Variants in RFX7 observed in about 807,000 individuals in gnomAD.
The protein encoded by RFX7 is DNA-binding protein RFX7.
In RFX7, 26 loss-of-function variants were observed where a neutral mutation model predicts 111.8. The ratio of observed to expected loss-of-function variants is 0.23; its 90% CI spans 0.17 to 0.32. The LOEUF (loss-of-function observed/expected upper bound fraction) is 0.32. Ranked by LOEUF, RFX7 falls within the 10% of genes least tolerant of loss-of-function variation. The pLI is 1.00. For missense variants in RFX7, 1,573 were observed against 1,772.9 expected, an observed-to-expected ratio of 0.89 and a Z score of 2.02; for synonymous variants, 624 against 624.4, an observed-to-expected ratio of 1.00 and a Z score of 0.01.
At chr15:56,244,465 A>T (rs2043790238), upstream of RFX7, among the ~76,000 whole-genome samples, 1 of 151,996 alleles carries the variant, frequency 6.6e-6, no homozygotes, top group Admixed American at 6.5e-5. Context: ...AGCGGCCTCC[A>T]TCCCCCTGCA....
intron 5 of RFX7, among the ~76,000 whole-genome samples, chr15:56,134,751 C>T (rs1224047094): frequency 2.6e-5 from 4 of 151,946 alleles, no homozygotes; most frequent in Non-Finnish European, 5.9e-5. Context: ...GTATATCTCC[C>T]AATGCTATCC....
At chr15:56,139,103 C>G (rs2042349686) in intron 5 of RFX7, among the ~76,000 whole-genome samples, 1 of 151,950 alleles carries the variant, frequency 6.6e-6, no homozygotes, top group South Asian at 2.1e-4. Context: ...CTTGGAGTTG[C>G]TCTTCTCGAG....
intron 2 of RFX7, among the ~76,000 whole-genome samples, chr15:56,199,730 A>G (rs2141178676): frequency 6.6e-6 from 1 of 152,272 alleles, no homozygotes; most frequent in African/African-American, 2.4e-5. Context: ...CAATTCTGCA[A>G]CTACTAGCTA....
intron 5 of RFX7, among the ~76,000 whole-genome samples, chr15:56,114,118 T>C (rs1296850661): frequency 6.6e-6 from 1 of 152,062 alleles, no homozygotes; most frequent in African/African-American, 2.4e-5. Context: ...AAATTGGTCT[T>C]TTCCAGTTGA....
intron 2 of RFX7, among the ~76,000 whole-genome samples, chr15:56,180,730 A>G (rs1264141042): frequency 6.4e-5 from 8 of 125,116 alleles, no homozygotes; most frequent in African/African-American, 6.5e-5. Context: ...ACACGGTAAA[A>G]CCCCATATCT....
chr15:56,180,007 A>G (rs1406181558), intron 2 of RFX7, among the ~76,000 whole-genome samples: 3 of 152,172 alleles, frequency 2.0e-5, no homozygotes, highest in Admixed American at 6.6e-5. Flanking sequence ...AATAATTTAA[A>G]CAACTATCCT....
intron 2 of RFX7, among the ~76,000 whole-genome samples, chr15:56,191,492 C>T (rs1211860390): frequency 6.6e-6 from 1 of 152,158 alleles, no homozygotes; most frequent in Admixed American, 6.5e-5. Flanking sequence ...CACCAATGCA[C>T]ATCTGAGCCT....
chr15:56,104,204 TA>T (rs777295189), intron 5 of RFX7, among the ~76,000 whole-genome samples: 1 of 152,196 alleles, frequency 6.6e-6, no homozygotes, highest in Non-Finnish European at 1.5e-5. Context: ...GTCCTAGTGT[TA>T]TCCTCCTTCT....
intron 3 of RFX7, among the ~76,000 whole-genome samples, chr15:56,148,799 C>T (rs562125227): frequency 1.3e-5 from 2 of 152,052 alleles, no homozygotes; most frequent in South Asian, 2.1e-4. Context: ...ATCAATGTGT[C>T]GGCCGGGGGC....
At chr15:56,184,193 ATTT>A (rs35880948) in intron 2 of RFX7, among the ~76,000 whole-genome samples, 3 of 80,732 alleles carry the variant, frequency 3.7e-5, no homozygotes, top group Admixed American at 1.6e-4. Context: ...CTAATTTTGT[ATTT>A]TTTTTTTTTT....
intron 2 of RFX7, among the ~76,000 whole-genome samples, chr15:56,231,066 A>G (rs1329573748): frequency 6.6e-6 from 1 of 152,244 alleles, no homozygotes; most frequent in Non-Finnish European, 1.5e-5. Flanking sequence ...TTAAAGTAGG[A>G]TCACAGAATA....
chr15:56,139,684 G>A (rs1432604803), intron 5 of RFX7, among the ~76,000 whole-genome samples: 3 of 152,206 alleles, frequency 2.0e-5, no homozygotes, highest in East Asian at 3.8e-4. Flanking sequence ...TGGAGGAGGA[G>A]AGGCGCTCTG....
intron 2 of RFX7, among the ~76,000 whole-genome samples, chr15:56,204,435 T>C (rs1377064085): frequency 6.6e-6 from 1 of 152,158 alleles, no homozygotes; most frequent in African/African-American, 2.4e-5. Flanking sequence ...TCATGGATCA[T>C]CTTGAGAAAC....
At chr15:56,141,851 T>C (rs1367911139) in intron 5 of RFX7, among the ~76,000 whole-genome samples, 1 of 151,158 alleles carries the variant, frequency 6.6e-6, no homozygotes, top group Non-Finnish European at 1.5e-5. Context: ...AAATCTAGAG[T>C]CCTTCAGTTT....
chr15:56,196,963 A>G (rs992617168), intron 2 of RFX7, among the ~76,000 whole-genome samples: 4 of 152,154 alleles, frequency 2.6e-5, no homozygotes, highest in Admixed American at 6.5e-5. Flanking sequence ...CAACTTTCTA[A>G]TTATTGCCAA....
intron 3 of RFX7, among the ~76,000 whole-genome samples, chr15:56,168,067 G>A (rs547873527): frequency 2.6e-5 from 4 of 152,148 alleles, no homozygotes; most frequent in African/African-American, 4.8e-5. Flanking sequence ...AAAAGTCTGG[G>A]ATCTGAAGTC....
chr15:56,136,671 G>A (rs1302541331), intron 5 of RFX7, among the ~76,000 whole-genome samples: 2 of 151,556 alleles, frequency 1.3e-5, no homozygotes, highest in Non-Finnish European at 2.9e-5. Flanking sequence ...GGAGTGGTGA[G>A]AGAGGGCATC....
At chr15:56,176,212 C>A (rs753087054) in intron 3 of RFX7, among the ~76,000 whole-genome samples, 2 of 152,044 alleles carry the variant, frequency 1.3e-5, no homozygotes, top group Non-Finnish European at 2.9e-5. Flanking sequence ...TTTCAACATA[C>A]GTGAAATGGG....
chr15:56,194,791 T>C (rs1342857546), intron 2 of RFX7, among the ~76,000 whole-genome samples: 2 of 152,084 alleles, frequency 1.3e-5, no homozygotes, highest in Non-Finnish European at 2.9e-5. Context: ...TGGGGAGAAA[T>C]TGGAATCCTT....
Sources: allele counts gnomAD v4.1 joint callset (sites outside exome capture counted in the v4.1 genomes callset), GRCh38; gene constraint gnomAD v4.1.1; transcripts MANE v1.5; gene names NCBI Gene and HGNC (gene_info 2026-07-23, HGNC 2026-07-21).